NCCRP1: variants seen among roughly 807,000 people sequenced by gnomAD.
NCCRP1 encodes F-box only protein 50.
NCCRP1 carries 32 observed loss-of-function variants against 34.4 expected under a neutral mutation model. The ratio of observed to expected loss-of-function variants is 0.93; its 90% CI spans 0.70 to 1.25. The LOEUF is 1.25. NCCRP1 is among the 50% of genes most tolerant of loss of function. NCCRP1 has a pLI of 0.00. For synonymous variants in NCCRP1, 172 were observed against 180.1 expected (o/e 0.95, Z 0.36); for missense variants, 372 against 391.8 (o/e 0.95, Z 0.43).
intron 4 of NCCRP1, 83 bp downstream of exon 4, chr19:39,199,348 C>G: frequency 7.9e-7 from 1 of 1,266,134 alleles, no homozygotes; most frequent in Non-Finnish European, 1.1e-6. Context: ...GCTCCCCTTG[C>G]TTTCAGCCCT....
chr19:39,199,511 T>TTTTC (rs2074778816), intron 4 of NCCRP1, among the ~76,000 whole-genome samples: 1 of 18,690 alleles, frequency 5.4e-5, no homozygotes, highest in African/African-American at 2.7e-4. Flanking sequence ...TTTTCTTTCT[T>TTTTC]TTTTTTTTTT....
At chr19:39,199,911 T>G (rs1306161231) in intron 4 of NCCRP1, among the ~76,000 whole-genome samples, 44 of 152,184 alleles carry the variant, frequency 2.9e-4, no homozygotes, top group African/African-American at 1.0e-3. Flanking sequence ...CAGGAAGCCC[T>G]CCCTGATCAC....
chr19:39,197,168 G>T lies in NCCRP1; in HGVS notation c.186G>T (p.Ala62=). 6.9e-7 allele frequency: 1 copy of T among 1,440,076 alleles called. No individual in the cohort carries two copies. The highest frequency in any genetic ancestry group is 9.0e-7 in the Non-Finnish European group (1 of 1,110,738). The allele number at this position is 1,440,076 out of a possible 1,614,324, so 89.2% of individuals were successfully genotyped here. A position where few individuals can be genotyped will look rare whatever the true frequency, so the allele number is the denominator to read the frequency against. ...APEAPELPEP[A]QPSEAHARQL... ...AGGCCCCCGAGCTCCCCGAGCCGGC[G>T]CAGCCGTCCGAGGCTCACGCCCGGC... Residue 62 remains alanine (A), a synonymous_variant, in exon 1 of 6, where the codon GCG becomes GCT. Transcript: ENST00000339852.
At position 39,199,284 on chromosome 19, in the gene NCCRP1, C is replaced by A. The variant is rs765408790; in HGVS notation, c.548+19C>A. ...TGGACTGGTGCGTGCCCCTCCCCTG[C>A]CAGCCTGACCCCGTGATCGCGCAGG... On this transcript the variant is annotated intron_variant, in intron 4 of 5. Coordinates refer to ENST00000339852, the MANE Select transcript of NCCRP1 (RefSeq NM_001001414.2). 4 of 1,608,312 alleles carry A rather than the reference C, an allele frequency of 2.5e-6. No individual in the cohort carries two copies. The highest frequency in any genetic ancestry group is 1.7e-5 in the Admixed American group (1 of 59,916).
intron 3 of NCCRP1, 49 bp from the exon 4 acceptor site, chr19:39,199,121 G>A (rs1405119623): frequency 6.4e-7 from 1 of 1,567,430 alleles, no homozygotes; most frequent in Admixed American, 1.7e-5. Context: ...CCTGCTCCCT[G>A]GATCCTGGCA....
intron 1 of NCCRP1, among the ~76,000 whole-genome samples, chr19:39,197,726 A>ACCAC (rs964891571): frequency 1.2e-4 from 18 of 151,964 alleles, no homozygotes; most frequent in African/African-American, 4.1e-4. Flanking sequence ...ACAGGCATGC[A>ACCAC]CCACCATGCC....
chr19:39,198,256 G>A lies in NCCRP1; in HGVS notation c.452+3G>A. 1 of 1,614,122 alleles carries A rather than the reference G, an allele frequency of 6.2e-7. No homozygotes were observed. The highest frequency in any genetic ancestry group is 8.5e-7 in the Non-Finnish European group (1 of 1,180,018). ...GAAAAGCTCCAGCAGAACCAAAGGT[G>A]AGTCGCCAGGGCCAGTGTGGCTTAC... On this transcript the variant is annotated splice_donor_region_variant and intron_variant, in intron 3 of 5. Transcript: ENST00000339852.
At chr19:39,198,316 G>C in intron 3 of NCCRP1, 63 bp downstream of exon 3, 1 of 1,569,732 alleles carries the variant, frequency 6.4e-7, no homozygotes, top group Non-Finnish European at 8.8e-7. Context: ...CTCACTGTGA[G>C]ACCTGGAGAA....
intron 4 of NCCRP1, among the ~76,000 whole-genome samples, chr19:39,199,552 G>A (rs1600433960): frequency 9.2e-6 from 1 of 108,872 alleles, no homozygotes; most frequent in Non-Finnish European, 1.7e-5. Context: ...TGACTCTGTC[G>A]CCCATGCTGG....
chr19:39,197,301 C>A lies in NCCRP1; in HGVS notation c.319C>A (p.Arg107Ser). 6.8e-7 allele frequency: 1 copy of A among 1,477,452 alleles called. No individual in the cohort carries two copies. 91.5% of individuals were successfully genotyped at this position (1,477,452 alleles called of 1,614,324 possible). Residue 107 changes from arginine to serine, a missense_variant, in exon 1 of 6, where the codon CGC becomes AGC. By Grantham distance (110) the Arg-to-Ser change is moderately radical. Transcript: ENST00000339852. ...GCGGCCGCTCTACCGCAACCTGCTGCGCTCGCCCAACCCCGAAGGTGCGCA... is the reference window on the plus strand; with the variant it reads ...GCGGCCGCTCTACCGCAACCTGCTGAGCTCGCCCAACCCCGAAGGTGCGCA... ...LRRPLYRNLL[R>S]SPNPEGINIY...
At chr19:39,198,140 C>CTAGT in intron 2 of NCCRP1, 25 bp downstream of exon 2, 2 of 1,614,196 alleles carry the variant, frequency 1.2e-6, no homozygotes, top group Non-Finnish European at 1.7e-6. Flanking sequence ...GGCCAGGTTG[C>CTAGT]TGAGGGTGGG....
chr19:39,199,937 C>T (rs186577287), intron 4 of NCCRP1, among the ~76,000 whole-genome samples: 5 of 152,246 alleles, frequency 3.3e-5, no homozygotes, highest in African/African-American at 4.8e-5. Flanking sequence ...AGCTGGGTCA[C>T]GTGCATTTTC....
At chr19:39,197,932 G>A (rs551023993) in intron 1 of NCCRP1, 121 bp from the exon 2 acceptor site, 21 of 1,160,672 alleles carry the variant, frequency 1.8e-5, no homozygotes, top group South Asian at 1.7e-4. Flanking sequence ...CATCCCTGCC[G>A]GGCTTCCCTG....
intron 4 of NCCRP1, 39 bp downstream of exon 4, chr19:39,199,304 C>T (rs113620374): frequency 3.6e-5 from 57 of 1,568,188 alleles, no homozygotes; most frequent in Non-Finnish European, 4.0e-5. Flanking sequence ...CCCGTGATCG[C>T]GCAGGGCTGC....
In NCCRP1 at chr19:39,200,231, A is replaced by G; in HGVS notation, c.549-115A>G. ...CTATGTTGCCAGCACCACCCAGCTC[A>G]GGGCTGTGTACAGCATGGGTAGCAG... On this transcript the variant is annotated intron_variant, in intron 4 of 5. Transcript: ENST00000339852. This position sits in a 1 kb window ranked among gnomAD's most constrained non-coding sequence, Gnocchi z 5.8. 2 of 1,376,024 alleles carry G rather than the reference A, an allele frequency of 1.5e-6. No homozygotes were observed. The highest frequency in any genetic ancestry group is 4.6e-5 in the East Asian group (2 of 43,380). 85.2% of individuals were successfully genotyped at this position (1,376,024 alleles called of 1,614,324 possible).
chr19:39,199,505 CTTTCTTTTTTTTT>C (rs1359658380), intron 4 of NCCRP1, among the ~76,000 whole-genome samples: 4 of 74,040 alleles, frequency 5.4e-5, no homozygotes, highest in Non-Finnish European at 8.5e-5. Context: ...TTTCTTTTTT[CTTTCTTTTTTTTT>C]TTTTTTTTTT....
chr19:39,197,779 G>A (rs771353790), intron 1 of NCCRP1, among the ~76,000 whole-genome samples: 1 of 152,174 alleles, frequency 6.6e-6, no homozygotes, highest in South Asian at 2.1e-4. Context: ...GTTTCGTCAT[G>A]TTGGCCAGGC....
In NCCRP1 at chr19:39,199,217, G is replaced by GGGAGGAGCTGCTGGATGACGAAT. The variant is rs1555783680; in HGVS notation, c.522_523insTGGAGGAGCTGCTGGATGACGAA (p.Gln175TrpfsTer98). ...GTGGACCTTCTGGCCGAGGGCCTGT[G>GGGAGGAGCTGCTGGATGACGAAT]GGAGGAGCTGCTGGATGACGAACAA... On this transcript the variant is annotated frameshift_variant, in exon 4 of 6. Transcript: ENST00000339852. LOFTEE classifies it high-confidence loss of function. 3.7e-6 allele frequency: 6 copies of GGGAGGAGCTGCTGGATGACGAAT among 1,614,072 alleles called. No individual in the cohort carries two copies. The highest frequency in any genetic ancestry group is 5.1e-6 in the Non-Finnish European group (6 of 1,180,018).
At position 39,200,647 on chromosome 19, in the gene NCCRP1, G is replaced by T; in HGVS notation, c.719G>T (p.Gly240Val). Residue 240 changes from glycine (G) to valine (V), a missense_variant, in exon 6 of 6, where the codon GGT (glycine) becomes GTT (valine). Transcript: ENST00000339852. This position sits in a 1 kb window ranked among gnomAD's most constrained non-coding sequence, Gnocchi z 5.8. ...CACGTATTCCGCCATTATGGTCCCG[G>T]TGTGCGCTTTATCCACTTCCTGCAC... is the stretch of plus-strand genomic sequence containing the variant. ...VSHVFRHYGP[G>V]VRFIHFLHKA... is the part of the protein sequence containing the mutation. 1.2e-6 allele frequency: 2 copies of T among 1,614,160 alleles called. No homozygotes were observed. Among genetic ancestry groups the T allele is most frequent in the Non-Finnish European group, 1.7e-6 (2 of 1,180,040 alleles).
Sources: gnomAD v4.1 joint callset for allele counts (sites outside exome capture counted in the v4.1 genomes callset) on GRCh38, gnomAD v4.1.1 for gene constraint, Gnocchi (gnomAD v3.1) non-coding constraint, MANE v1.5 for transcripts, NCBI Gene and HGNC (gene_info 2026-07-23, HGNC 2026-07-21) for gene names.